The following KLHL29 variants were observed in gnomAD, a reference collection of about 807,000 sequenced individuals.
The protein encoded by KLHL29 is kelch like family member 29.
A neutral mutation model predicts 80.4 loss-of-function variants in KLHL29; 21 were observed. That is an observed-to-expected ratio of 0.26 (90% CI 0.19 to 0.38). KLHL29 has a LOEUF of 0.38. Among genes scored for constraint, KLHL29 ranks in the 10% least tolerant of loss-of-function variants. The pLI is 1.00. For synonymous variants in KLHL29, 511 were observed against 526.8 expected (o/e 0.97, Z 0.41); for missense variants, 867 against 1,223.9 (o/e 0.71, Z 4.35).
intron 1 of KLHL29, among the ~76,000 whole-genome samples, chr2:23,406,887 A>T (rs555779557): frequency 1.3e-5 from 2 of 152,356 alleles, no homozygotes; most frequent in African/African-American, 4.8e-5. Context: ...TTTATGGAAA[A>T]TTTTAACAAA....
chr2:23,683,518 C>G (rs1314826915), intron 5 of KLHL29, among the ~76,000 whole-genome samples: 1 of 152,234 alleles, frequency 6.6e-6, no homozygotes, highest in African/African-American at 2.4e-5. Context: ...CTTCTCCTTT[C>G]TAAGCCTTGG....
At chr2:23,654,574 C>T (rs1450822574) in intron 5 of KLHL29, among the ~76,000 whole-genome samples, 2 of 151,850 alleles carry the variant, frequency 1.3e-5, no homozygotes, top group Non-Finnish European at 1.5e-5. Context: ...GTAATGGTGC[C>T]GCCTGAGGAT....
At chr2:23,422,288 T>G in intron 1 of KLHL29, among the ~76,000 whole-genome samples, 1 of 151,856 alleles carries the variant, frequency 6.6e-6, no homozygotes, top group Non-Finnish European at 1.5e-5. Flanking sequence ...TCTGTGTGTC[T>G]CTGTGCATTT....
chr2:23,512,998 G>C (rs1454710838), intron 2 of KLHL29, among the ~76,000 whole-genome samples: 3 of 152,262 alleles, frequency 2.0e-5, no homozygotes, highest in African/African-American at 7.2e-5. Flanking sequence ...TGGCTCAGGA[G>C]GCTTGGGGAG....
At chr2:23,633,780 T>TGTG (rs1244331407) in intron 3 of KLHL29, among the ~76,000 whole-genome samples, 2 of 151,944 alleles carry the variant, frequency 1.3e-5, no homozygotes, top group African/African-American at 2.4e-5. Context: ...TGTGTGTGTG[T>TGTG]GTGTGTGTGT....
rs1312913678 is a variant in KLHL29 at position 23,696,685 on chromosome 2, G to GT, written c.2105+173dup. The stretch of plus-strand genomic sequence containing the variant: ...GTCACAGCACCGGGGGCAGCAGGGT[G>GT]TGGGATACAAGCAGATGGGATGACA... On this transcript the variant is annotated intron_variant, in intron 11 of 13. Transcript: ENST00000486442. This position sits in a 1 kb window ranked among gnomAD's most constrained non-coding sequence, Gnocchi z 5.5. The GT allele has an allele frequency of 3.5e-6, 2 of 578,260 alleles. No individual in the cohort carries two copies. The highest frequency in any genetic ancestry group is 3.8e-5 in the African/African-American group (2 of 52,278). The allele number at this position is 578,260 out of a possible 1,614,324, so 35.8% of individuals were successfully genotyped here. A position where few individuals can be genotyped will look rare whatever the true frequency, so the allele number is the denominator to read the frequency against.
intron 1 of KLHL29, among the ~76,000 whole-genome samples, chr2:23,466,978 GC>G (rs1410663537): frequency 1.4e-4 from 21 of 152,256 alleles, no homozygotes; most frequent in Middle Eastern, 3.4e-3. Flanking sequence ...GAGTTAGGAA[GC>G]CCCGGGTCTC....
At chr2:23,536,061 G>A (rs1423123901) in intron 2 of KLHL29, among the ~76,000 whole-genome samples, 15 of 152,180 alleles carry the variant, frequency 9.9e-5, no homozygotes, top group Non-Finnish European at 1.9e-4. Context: ...TCTGGTCTGA[G>A]AATCAAAATG....
At chr2:23,626,109 C>G (rs940914842) in intron 3 of KLHL29, among the ~76,000 whole-genome samples, 23 of 151,994 alleles carry the variant, frequency 1.5e-4, no homozygotes, top group Admixed American at 9.2e-4. Context: ...GTTGGGGGGG[C>G]AGTTTCTGGA....
intron 3 of KLHL29, among the ~76,000 whole-genome samples, chr2:23,594,216 C>T (rs1668339814): frequency 6.6e-6 from 1 of 152,148 alleles, no homozygotes; most frequent in African/African-American, 2.4e-5. Context: ...TTTGGGAGTG[C>T]TCCGGGGAGT....
At chr2:23,655,047 T>C (rs746082690) in intron 5 of KLHL29, among the ~76,000 whole-genome samples, 1 of 152,228 alleles carries the variant, frequency 6.6e-6, no homozygotes, top group African/African-American at 2.4e-5. Flanking sequence ...CTGGTGATTC[T>C]TGGGCTCTTT....
chr2:23,490,321 C>A (rs1196187490), intron 2 of KLHL29, among the ~76,000 whole-genome samples: 1 of 152,102 alleles, frequency 6.6e-6, no homozygotes, highest in Non-Finnish European at 1.5e-5. Flanking sequence ...TAGATCACAG[C>A]AGCTAAGTGA....
In KLHL29 at chr2:23,642,830, C is replaced by T. The variant is rs993490988; in HGVS notation, c.920C>T (p.Thr307Ile). ...ATTGGCGTGGGGAAGTATGAGTTCA[C>T]CGACCCGGGGCACCCCAGAGGTAAG... ...RTIGVGKYEF[T>I]DPGHPREMLK... The change falls in exon 5 of 14, where the codon ACC becomes ATC. Residue 307 changes from threonine (T) to isoleucine (I), a missense_variant. Thr to Ile is a moderately conservative substitution (Grantham distance 89). Around this residue, in one of 2 missense-constraint regions of KLHL29, gnomAD observed 424 missense variants for 456.9 expected, o/e 0.93. Coordinates refer to ENST00000486442, the MANE Select transcript of KLHL29 (RefSeq NM_052920.2). 6.4e-7 allele frequency: 1 copy of T among 1,550,408 alleles called. No homozygotes were observed. Among genetic ancestry groups the T allele is most frequent in the South Asian group, 1.2e-5 (1 of 84,068 alleles).
chr2:23,578,838 T>G (rs777364488), intron 3 of KLHL29, among the ~76,000 whole-genome samples: 3 of 152,238 alleles, frequency 2.0e-5, no homozygotes, highest in Non-Finnish European at 4.4e-5. Flanking sequence ...TCATCCTTTG[T>G]GTGGCAGGCA....
At chr2:23,456,899 A>T (rs1664069479) in intron 1 of KLHL29, among the ~76,000 whole-genome samples, 1 of 152,130 alleles carries the variant, frequency 6.6e-6, no homozygotes, top group Admixed American at 6.5e-5. Context: ...GCTGACGGGG[A>T]CTTGCGGAGA....
At chr2:23,422,926 C>G (rs947064692) in intron 1 of KLHL29, among the ~76,000 whole-genome samples, 4 of 152,254 alleles carry the variant, frequency 2.6e-5, no homozygotes, top group African/African-American at 9.6e-5. Flanking sequence ...GATCCAGTCA[C>G]TCGCCCACAC....
At chr2:23,479,926 T>A (rs1224296444) in intron 2 of KLHL29, among the ~76,000 whole-genome samples, 3 of 152,232 alleles carry the variant, frequency 2.0e-5, no homozygotes, top group African/African-American at 7.2e-5. Flanking sequence ...GTTCAGAGAT[T>A]ACAGAACCAC....
chr2:23,427,592 C>T lies in KLHL29; in HGVS notation c.-154+41812C>T, dbSNP rs113861206. Reference sequence around the variant, plus strand: ...TCACAGCAAAATTGCAACCTTTCAGCGCCTGCGGACAGTCACGTTAAAATG... The same window carrying T: ...TCACAGCAAAATTGCAACCTTTCAGTGCCTGCGGACAGTCACGTTAAAATG... On this transcript the variant is annotated intron_variant, in intron 1 of 13. Transcript: ENST00000486442. Among the ~76,000 whole-genome samples, 548 of 152,268 alleles carry T rather than the reference C, an allele frequency of 3.6e-3. 4 individuals are homozygous for T. Among genetic ancestry groups the T allele is most frequent in the African/African-American group, 0.013 (524 of 41,540 alleles).
chr2:23,456,004 C>T (rs149553063), intron 1 of KLHL29, among the ~76,000 whole-genome samples: 4 of 152,218 alleles, frequency 2.6e-5, no homozygotes, highest in East Asian at 3.9e-4. Flanking sequence ...CGTGAGAAAG[C>T]GGCCACCTGC....
Sources: gnomAD v4.1 joint callset for allele counts (sites outside exome capture counted in the v4.1 genomes callset) on GRCh38, gnomAD v4.1.1 for gene constraint, gnomAD v4.1.1 regional missense constraint, Gnocchi (gnomAD v3.1) non-coding constraint, MANE v1.5 for transcripts, NCBI Gene and HGNC (gene_info 2026-07-23, HGNC 2026-07-21) for gene names.